Variants in GRIN2B observed in about 807,000 individuals in gnomAD.
The protein encoded by GRIN2B is glutamate receptor ionotropic, NMDA 2B.
Under a neutral mutation model 114.5 loss-of-function variants are expected in GRIN2B, and 5 were observed. That is an observed-to-expected ratio of 0.04 (90% CI 0.02 to 0.09). GRIN2B has a LOEUF of 0.09. Among genes scored for constraint, GRIN2B ranks in the 10% least tolerant of loss-of-function variants. The probability of loss-of-function intolerance (pLI) is 1.00; values close to 1 mark genes in which losing one functional copy is unlikely to be tolerated. For synonymous variants in GRIN2B, 787 were observed against 745.1 expected (o/e 1.06, Z -0.92); for missense variants, 1,108 against 1,943.5 (o/e 0.57, Z 8.08).
chr12:13,725,331 C>G (rs1359314015), intron 4 of GRIN2B, among the ~76,000 whole-genome samples: 1 of 151,954 alleles, frequency 6.6e-6, no homozygotes, highest in African/African-American at 2.4e-5. Context: ...GGAGGATGTG[C>G]AGGTAAGAGG....
chr12:13,574,472 T>C (rs1948748102), intron 10 of GRIN2B, among the ~76,000 whole-genome samples: 1 of 152,230 alleles, frequency 6.6e-6, no homozygotes, highest in Admixed American at 6.5e-5. Flanking sequence ...AGGTATTTTC[T>C]GAAACATCAG....
At chr12:13,717,876 AC>A (rs2136588882) in intron 4 of GRIN2B, among the ~76,000 whole-genome samples, 1 of 152,050 alleles carries the variant, frequency 6.6e-6, no homozygotes, top group African/African-American at 2.4e-5. Flanking sequence ...CCTTATAGCC[AC>A]CCTTAGAACA....
Position 13,944,178 on chromosome 12 carries a change from C to T in GRIN2B, c.-19+35750G>A, listed in dbSNP as rs114355084. Among the ~76,000 whole-genome samples the T allele has an allele frequency of 7.3e-3, 1,115 of 152,242 alleles. 16 individuals are homozygous for T. The highest frequency in any genetic ancestry group is 0.026 in the African/African-American group (1,074 of 41,538). ...TATATCATTCTCCAAATCTGAAACA[C>T]CCTGTTTTGAACTGCCACCATTTCC... On this transcript the variant is annotated intron_variant, in intron 2 of 13. Coordinates refer to ENST00000609686, the MANE Select transcript of GRIN2B (RefSeq NM_000834.5).
At chr12:13,910,055 A>T (rs11055683) in intron 2 of GRIN2B, among the ~76,000 whole-genome samples, 43,928 of 152,056 alleles carry the variant, frequency 0.29, 6,740 homozygotes, top group Middle Eastern at 0.35. Flanking sequence ...CAAAAGTTCA[A>T]ATAATTAAGA....
At chr12:13,718,256 C>T (rs772125602) in intron 4 of GRIN2B, among the ~76,000 whole-genome samples, 1 of 152,034 alleles carries the variant, frequency 6.6e-6, no homozygotes, top group African/African-American at 2.4e-5. Context: ...ATCTCAGTGG[C>T]CTGCATGCCA....
intron 2 of GRIN2B, among the ~76,000 whole-genome samples, chr12:13,930,405 A>G (rs1182807980): frequency 6.6e-6 from 1 of 152,152 alleles, no homozygotes; most frequent in Non-Finnish European, 1.5e-5. Flanking sequence ...GCAATCAAGG[A>G]GGCTCACAGC....
chr12:13,949,945 C>T (rs1156453281), intron 2 of GRIN2B, among the ~76,000 whole-genome samples: 1 of 152,074 alleles, frequency 6.6e-6, no homozygotes, highest in Non-Finnish European at 1.5e-5. Flanking sequence ...TAAGGAGGAA[C>T]TCAAAAGAGA....
intron 4 of GRIN2B, among the ~76,000 whole-genome samples, chr12:13,751,988 T>TTG (rs1285020472): frequency 2.6e-5 from 4 of 152,002 alleles, no homozygotes; most frequent in Non-Finnish European, 5.9e-5. Context: ...TACCTAGGGA[T>TTG]GATGGAAAGA....
intron 2 of GRIN2B, among the ~76,000 whole-genome samples, chr12:13,902,744 G>T: frequency 6.6e-6 from 1 of 152,174 alleles, no homozygotes. Flanking sequence ...CCGGGAGGCT[G>T]AGGTTGCAGT....
chr12:13,642,197 C>T (rs1013539239), intron 5 of GRIN2B, among the ~76,000 whole-genome samples: 26 of 73,262 alleles, frequency 3.5e-4, no homozygotes, highest in Non-Finnish European at 9.8e-4. Context: ...TCAAAACAAA[C>T]AAACAAACAA....
intron 5 of GRIN2B, among the ~76,000 whole-genome samples, chr12:13,636,446 C>T (rs114101435): frequency 0.011 from 1,653 of 152,196 alleles, 23 homozygotes; most frequent in African/African-American, 0.037. Flanking sequence ...ACTTTGGTTG[C>T]TACACAGGAA....
Position 13,615,172 on chromosome 12 carries a change from T to C in GRIN2B, c.1596A>G (p.Thr532=), listed in dbSNP as rs1253357396. 1.9e-6 allele frequency: 3 copies of C among 1,610,296 alleles called. No homozygotes were observed. The highest frequency in any genetic ancestry group is 3.3e-5 in the Admixed American group (2 of 60,030). ...VVDFSVPFIE[T]GISVMVSRSN... ...TGCGTGACACCATGACACTGATGCC[T>C]GTCTCTATGAAGGGCACAGAGAAGT... The change falls in exon 8 of 14, where the codon ACA becomes ACG. Residue 532 remains threonine (T), a synonymous_variant. Coordinates refer to ENST00000609686, the MANE Select transcript of GRIN2B (RefSeq NM_000834.5). The surrounding 1 kb of genome is among the most constrained non-coding windows in gnomAD (Gnocchi z 5.8).
chr12:13,760,634 G>T (rs1284455190), intron 3 of GRIN2B, among the ~76,000 whole-genome samples: 1 of 152,130 alleles, frequency 6.6e-6, no homozygotes, highest in Admixed American at 6.5e-5. Context: ...GGAACTGGTA[G>T]GCTTTCCCTG....
chr12:13,939,179 A>C (rs538007064), intron 2 of GRIN2B, among the ~76,000 whole-genome samples: 2 of 152,176 alleles, frequency 1.3e-5, no homozygotes, highest in Non-Finnish European at 2.9e-5. Context: ...AGTTTTTAAA[A>C]TTCTGCTGTG....
At chr12:13,859,589 A>G (rs1170185939) in intron 3 of GRIN2B, among the ~76,000 whole-genome samples, 1 of 152,204 alleles carries the variant, frequency 6.6e-6, no homozygotes, top group Non-Finnish European at 1.5e-5. Context: ...ACTGAACTCC[A>G]GGTAATTTTG....
intron 4 of GRIN2B, among the ~76,000 whole-genome samples, chr12:13,731,008 C>A (rs971387159): frequency 1.3e-5 from 2 of 152,194 alleles, no homozygotes; most frequent in African/African-American, 4.8e-5. Flanking sequence ...TCACTGAACA[C>A]TGTGGCTCCT....
intron 4 of GRIN2B, among the ~76,000 whole-genome samples, chr12:13,693,540 G>A (rs1377449690): frequency 6.6e-6 from 1 of 151,942 alleles, no homozygotes; most frequent in East Asian, 1.9e-4. Context: ...TGCAACCCAG[G>A]GCTGCTTCTC....
At chr12:13,688,162 C>T (rs1042970734) in intron 4 of GRIN2B, among the ~76,000 whole-genome samples, 42 of 152,068 alleles carry the variant, frequency 2.8e-4, no homozygotes, top group Admixed American at 2.6e-3. Context: ...CAATGCCCCA[C>T]GCTAAGAACA....
intron 4 of GRIN2B, among the ~76,000 whole-genome samples, chr12:13,752,505 A>G (rs1260514112): frequency 6.6e-6 from 1 of 152,150 alleles, no homozygotes; most frequent in Non-Finnish European, 1.5e-5. Flanking sequence ...TTTATGTTCT[A>G]TTTAGTTTGA....
Sources: allele counts gnomAD v4.1 joint callset (sites outside exome capture counted in the v4.1 genomes callset), GRCh38; gene constraint gnomAD v4.1.1; non-coding constraint Gnocchi (gnomAD v3.1); transcripts MANE v1.5; gene names NCBI Gene and HGNC (gene_info 2026-07-23, HGNC 2026-07-21).